Variants in SF3B2 observed in about 807,000 individuals in gnomAD.
The protein encoded by SF3B2 is splicing factor 3b subunit 2.
In SF3B2, 22 loss-of-function variants were observed where a neutral mutation model predicts 116.3. The observed-to-expected ratio is 0.19, with a 90% CI of 0.14 to 0.27. The LOEUF is 0.27. SF3B2 is among the 10% of genes least tolerant of loss of function. The probability of loss-of-function intolerance (pLI) is 1.00; values close to 1 mark genes in which losing one functional copy is unlikely to be tolerated. For synonymous variants in SF3B2, 406 were observed against 421.6 expected (o/e 0.96, Z 0.45); for missense variants, 767 against 1,151.4 (o/e 0.67, Z 4.83).
At chr11:66,052,921 G>A in intron 2 of SF3B2, 106 bp from the exon 3 acceptor site, 1 of 1,288,254 alleles carries the variant, frequency 7.8e-7, no homozygotes, top group Non-Finnish European at 1.1e-6. Context: ...CAGCCAGAGC[G>A]CTGGCAGACA....
intron 7 of SF3B2, 27 bp downstream of exon 7, chr11:66,057,402 A>C (rs1409002819): frequency 9.5e-7 from 1 of 1,048,382 alleles, no homozygotes; most frequent in Non-Finnish European, 1.5e-6. Context: ...ATTCCTAGGG[A>C]TAAGAGAGTG....
intron 19 of SF3B2, 95 bp from the exon 20 acceptor site, chr11:66,067,851 G>A (rs1857214813): frequency 1.1e-6 from 1 of 924,002 alleles, no homozygotes; most frequent in Non-Finnish European, 1.7e-6. Flanking sequence ...GCTCTCCAAG[G>A]CGCTGAGTGG....
chr11:66,062,212 T>G (rs1180541328), intron 16 of SF3B2, among the ~76,000 whole-genome samples: 1 of 152,230 alleles, frequency 6.6e-6, no homozygotes, highest in Admixed American at 6.5e-5. Flanking sequence ...TCATAAAATA[T>G]TCAGTCAGAA....
rs1857062581 is a variant in SF3B2 at position 66,059,409 on chromosome 11, A to AC, written c.1320+73dup. On this transcript the variant is annotated intron_variant, in intron 11 of 21. Transcript: ENST00000322535. This position sits in a 1 kb window ranked among gnomAD's most constrained non-coding sequence, Gnocchi z 5.0. ...GTGGCTGAGATGCATCCAGAGAGGGACCATGGTGAACTCTTACAGAGCTTT... is the reference window on the plus strand; with the variant it reads ...GTGGCTGAGATGCATCCAGAGAGGGACCCATGGTGAACTCTTACAGAGCTTT... 1 of 1,609,476 alleles carries AC rather than the reference A, an allele frequency of 6.2e-7. No individual in the cohort carries two copies. The highest frequency in any genetic ancestry group is 8.5e-7 in the Non-Finnish European group (1 of 1,176,386).
intron 15 of SF3B2, 57 bp downstream of exon 15, chr11:66,061,832 G>A (rs1857104495): frequency 6.2e-7 from 1 of 1,603,844 alleles, no homozygotes. Context: ...GGATTGGAGT[G>A]GAAGGCAGAG....
chr11:66,055,672 C>A, intron 5 of SF3B2, 87 bp downstream of exon 5: 1 of 1,207,334 alleles, frequency 8.3e-7, no homozygotes, highest in Non-Finnish European at 1.2e-6. Context: ...TTCAAGTTTT[C>A]CCTGGAGGCT....
intron 16 of SF3B2, 112 bp from the exon 17 acceptor site, chr11:66,062,897 T>C: frequency 1.8e-6 from 1 of 561,208 alleles, no homozygotes; most frequent in Non-Finnish European, 3.0e-6. Flanking sequence ...GCAGTCATAA[T>C]TTCCGGAGTT....
intron 2 of SF3B2, 118 bp downstream of exon 2, chr11:66,052,837 C>T (rs1856910003): frequency 2.3e-6 from 3 of 1,322,336 alleles, no homozygotes; most frequent in African/African-American, 1.5e-5. Flanking sequence ...CGGAGGCTTG[C>T]CCTTTTTAGC....
intron 14 of SF3B2, 139 bp from the exon 15 acceptor site, chr11:66,061,547 T>G: frequency 1.5e-6 from 1 of 688,322 alleles, no homozygotes; most frequent in Non-Finnish European, 2.6e-6. Flanking sequence ...TTCCCCGACT[T>G]TGGCCAGGGA....
In SF3B2 at chr11:66,063,738, AC is replaced by A. The variant is rs1857134456; in HGVS notation, c.2330+11del. 6.2e-7 allele frequency: 1 copy of A among 1,602,166 alleles called. No individual in the cohort carries two copies. Among genetic ancestry groups the A allele is most frequent in the Admixed American group, 1.7e-5 (1 of 58,124 alleles). On this transcript the variant is annotated intron_variant, in intron 19 of 21. Coordinates refer to ENST00000322535, the MANE Select transcript of SF3B2 (RefSeq NM_006842.3). ...GAGGAGGCGATGGACGGGTAAGGGT[AC>A]CAGACAGGGCTGAGAGGGGAGGACC... is the stretch of plus-strand genomic sequence containing the variant.
At chr11:66,065,743 G>A (rs1367257694) in intron 19 of SF3B2, 1 of 152,082 alleles carries the variant, frequency 6.6e-6, no homozygotes, top group Non-Finnish European at 1.5e-5. Flanking sequence ...TGTAATTTCT[G>A]ATCTAACAGT....
chr11:66,067,346 G>C (rs1254532657), intron 19 of SF3B2: 1 of 453,796 alleles, frequency 2.2e-6, no homozygotes, highest in African/African-American at 2.0e-5. Flanking sequence ...GCAAAGGTCT[G>C]ACAGGACCCG....
At chr11:66,053,221 G>T (rs1212276549) in intron 3 of SF3B2, 117 bp downstream of exon 3, 2 of 967,876 alleles carry the variant, frequency 2.1e-6, no homozygotes, top group Non-Finnish European at 3.3e-6. Flanking sequence ...CACATTACTC[G>T]CCTGACCTGA....
intron 4 of SF3B2, 59 bp downstream of exon 4, chr11:66,055,374 C>A (rs1856975852): frequency 5.7e-6 from 9 of 1,590,654 alleles, no homozygotes; most frequent in Non-Finnish European, 7.7e-6. Flanking sequence ...GGCAGTGGAG[C>A]CTTAGAGAAA....
intron 2 of SF3B2, 68 bp downstream of exon 2, chr11:66,052,787 G>A (rs1856908750): frequency 1.3e-6 from 2 of 1,485,256 alleles, no homozygotes; most frequent in South Asian, 1.3e-5. Flanking sequence ...ACCCCATCAC[G>A]GCTCGGTCTT....
chr11:66,067,604 C>T (rs933025794), intron 19 of SF3B2: 21 of 471,578 alleles, frequency 4.5e-5, no homozygotes, highest in Admixed American at 4.0e-4. Context: ...GAACTGTTGT[C>T]GCCTGCTCTA....
Position 66,052,722 on chromosome 11 carries a change from A to G in SF3B2, c.180+3A>G, listed in dbSNP as rs1565085389. On this transcript the variant is annotated splice_donor_region_variant and intron_variant, in intron 2 of 21. Transcript: ENST00000322535. ...GGCTGCAGAGCTACACCCGCCAGGT[A>G]GGTGTTGGCGGCGGGACGTCAGGAT... 1.9e-6 allele frequency: 3 copies of G among 1,566,712 alleles called. No homozygotes were observed. The highest frequency in any genetic ancestry group is 2.6e-6 in the Non-Finnish European group (3 of 1,160,326).
chr11:66,053,192 G>T (rs1856920520), intron 3 of SF3B2, 88 bp downstream of exon 3: 3 of 1,238,472 alleles, frequency 2.4e-6, no homozygotes, highest in East Asian at 4.6e-5. Context: ...ACGTGCATGT[G>T]TGAGATGTGA....
chr11:66,068,520 G>GA, intron 21 of SF3B2, 154 bp from the exon 22 acceptor site: 1 of 835,750 alleles, frequency 1.2e-6, no homozygotes, highest in South Asian at 1.7e-5. Flanking sequence ...TGAGGGGGAG[G>GA]AACTCAGCCA....
Sources: gnomAD v4.1 joint callset for allele counts (sites outside exome capture counted in the v4.1 genomes callset) on GRCh38, gnomAD v4.1.1 for gene constraint, Gnocchi (gnomAD v3.1) non-coding constraint, MANE v1.5 for transcripts, NCBI Gene and HGNC (gene_info 2026-07-23, HGNC 2026-07-21) for gene names.